The following SLC13A1 variants were observed in gnomAD, a reference collection of about 807,000 sequenced individuals.
The protein encoded by SLC13A1 is solute carrier family 13 member 1.
Under a neutral mutation model 70.0 loss-of-function variants are expected in SLC13A1, and 65 were observed. That is an observed-to-expected ratio of 0.93 (90% CI 0.76 to 1.14). The LOEUF (loss-of-function observed/expected upper bound fraction) is 1.14. Among genes scored for constraint, SLC13A1 ranks in the 50% most tolerant of loss-of-function variants. The probability of loss-of-function intolerance (pLI) is 0.00; values close to 1 mark genes in which losing one functional copy is unlikely to be tolerated. For synonymous variants in SLC13A1, 275 were observed against 250.5 expected (o/e 1.10, Z -0.92); for missense variants, 726 against 717.8 (o/e 1.01, Z -0.13).
intron 6 of SLC13A1, among the ~76,000 whole-genome samples, chr7:123,163,133 A>G (rs1161736611): frequency 6.6e-6 from 1 of 152,042 alleles, no homozygotes; most frequent in Non-Finnish European, 1.5e-5. Context: ...ATTTTCGGAT[A>G]CCTAGAACTC....
chr7:123,123,405 C>T (rs921841837), intron 11 of SLC13A1, among the ~76,000 whole-genome samples, 170 bp from the exon 12 acceptor site: 3 of 152,026 alleles, frequency 2.0e-5, no homozygotes, highest in Non-Finnish European at 4.4e-5. Flanking sequence ...CTAGGTGGAA[C>T]ATTCTACTAT....
intron 6 of SLC13A1, among the ~76,000 whole-genome samples, chr7:123,156,445 C>T (rs1228877110): frequency 1.3e-5 from 2 of 151,984 alleles, no homozygotes; most frequent in African/African-American, 2.4e-5. Context: ...TTGGTGCTTT[C>T]GTGGTCCATA....
At position 123,128,882 on chromosome 7, in the gene SLC13A1, G is replaced by C. The variant is rs200972745; in HGVS notation, c.1096C>G (p.Pro366Ala). The C allele has an allele frequency of 6.2e-7, 1 of 1,613,374 alleles. No individual in the cohort carries two copies. Among genetic ancestry groups the C allele is most frequent in the East Asian group, 2.2e-5 (1 of 44,790 alleles). Residue 366 changes from proline to alanine, a missense_variant, in exon 10 of 15, where the codon CCC becomes GCC. By Grantham distance (27) the Pro-to-Ala change is conservative. Coordinates refer to ENST00000194130, the MANE Select transcript of SLC13A1 (RefSeq NM_022444.4). ...IMALLWFSRDPGFVPGWSALF... is the reference protein window; with the variant it reads ...IMALLWFSRDAGFVPGWSALF... ...GCAGACCAACCAGGAACAAATCCGG[G>C]GTCTCGACTAAACCATAGCAGAGCC...
rs199650403 is a variant in SLC13A1, at chr7:123,181,068, C to T, written c.133G>A (p.Ala45Thr). ...AATGCTTCTGTGAGCCAAAATGTGG[C>T]GACCACAAAGAGTGTGTAGGCACAT... Reference protein sequence around the residue: ...AECAYTLFVVATFWLTEALPL... With the variant: ...AECAYTLFVVTTFWLTEALPL... The change falls in exon 2 of 15, where the codon GCC becomes ACC. Residue 45 changes from alanine (A) to threonine (T), a missense_variant. Ala to Thr is a moderately conservative substitution (Grantham distance 58). Coordinates refer to ENST00000194130, the MANE Select transcript of SLC13A1 (RefSeq NM_022444.4). The T allele has an allele frequency of 2.8e-4, 444 of 1,612,450 alleles. 1 individual carries two copies. The highest frequency in any genetic ancestry group is 2.7e-3 in the South Asian group (248 of 91,028).
chr7:123,191,220 C>G (rs1362066797), intron 1 of SLC13A1, among the ~76,000 whole-genome samples: 1 of 152,070 alleles, frequency 6.6e-6, no homozygotes, highest in African/African-American at 2.4e-5. Flanking sequence ...AGTCATCTAG[C>G]TGAGTTGGGT....
chr7:123,170,747 G>A (rs1410610365), intron 3 of SLC13A1, among the ~76,000 whole-genome samples: 1 of 151,956 alleles, frequency 6.6e-6, no homozygotes, highest in Non-Finnish European at 1.5e-5. Context: ...TCCTGCCTCA[G>A]CTTCCCGAGT....
At chr7:123,129,596 C>A in intron 8 of SLC13A1, 115 bp from the exon 9 acceptor site, 2 of 708,226 alleles carry the variant, frequency 2.8e-6, no homozygotes, top group Non-Finnish European at 5.0e-6. Context: ...TCCCTTCATG[C>A]AATATGAATC....
intron 2 of SLC13A1, among the ~76,000 whole-genome samples, chr7:123,175,127 C>T (rs191177177): frequency 6.6e-6 from 1 of 152,016 alleles, no homozygotes; most frequent in East Asian, 1.9e-4. Context: ...AACTGGCACT[C>T]AATGGATGTT....
intron 7 of SLC13A1, 41 bp downstream of exon 7, chr7:123,147,118 C>A (rs1416686898): frequency 6.3e-7 from 1 of 1,584,768 alleles, no homozygotes; most frequent in Non-Finnish European, 8.6e-7. Flanking sequence ...AATTTTTGTG[C>A]TGCCCTTATG....
At chr7:123,127,250 T>A (rs1793591497) in intron 10 of SLC13A1, among the ~76,000 whole-genome samples, 1 of 152,106 alleles carries the variant, frequency 6.6e-6, no homozygotes, top group Non-Finnish European at 1.5e-5. Context: ...CTCTCAGAAT[T>A]GTAGGTGGCA....
At chr7:123,162,814 C>T (rs1794958305) in intron 6 of SLC13A1, among the ~76,000 whole-genome samples, 1 of 151,932 alleles carries the variant, frequency 6.6e-6, no homozygotes, top group African/African-American at 2.4e-5. Flanking sequence ...TGGATTTCAA[C>T]CATAAGGATT....
At chr7:123,117,750 T>C in intron 13 of SLC13A1, 142 bp from the exon 14 acceptor site, 1 of 481,440 alleles carries the variant, frequency 2.1e-6, no homozygotes, top group South Asian at 5.4e-5. Context: ...ATTGCAGTTA[T>C]AACTTGAATA....
intron 8 of SLC13A1, among the ~76,000 whole-genome samples, chr7:123,133,316 C>A (rs1396670929): frequency 6.6e-6 from 1 of 151,882 alleles, no homozygotes; most frequent in African/African-American, 2.4e-5. Context: ...AAAGGGATGT[C>A]AATTTTGGTG....
At chr7:123,146,754 A>C (rs1794367091) in intron 7 of SLC13A1, among the ~76,000 whole-genome samples, 1 of 152,208 alleles carries the variant, frequency 6.6e-6, no homozygotes, top group African/African-American at 2.4e-5. Flanking sequence ...AAGCCTTCCA[A>C]AATTAATACC....
chr7:123,128,972 C>T lies in SLC13A1; in HGVS notation c.1032-26G>A, dbSNP rs28364205. ...CTGTGGAAAAATTCCAATGGCATCACTTCTTATTTTCTCAGTCGGGACATT... is the reference window on the plus strand; with the variant it reads ...CTGTGGAAAAATTCCAATGGCATCATTTCTTATTTTCTCAGTCGGGACATT... On this transcript the variant is annotated intron_variant, in intron 9 of 14. Coordinates refer to ENST00000194130, the MANE Select transcript of SLC13A1 (RefSeq NM_022444.4). 2.4e-3 allele frequency: 3,582 copies of T among 1,472,996 alleles called. 78 individuals carry two copies. The African/African-American group carries it at 0.041, about 17-fold the overall frequency. 91.2% of individuals were successfully genotyped at this position (1,472,996 alleles called of 1,614,324 possible).
intron 1 of SLC13A1, among the ~76,000 whole-genome samples, chr7:123,185,730 G>T (rs1169856907): frequency 6.6e-6 from 1 of 151,978 alleles, no homozygotes; most frequent in Non-Finnish European, 1.5e-5. Context: ...CCCCAGCTTT[G>T]TTCTTTTTGT....
chr7:123,170,583 C>T (rs1046235860), intron 3 of SLC13A1, among the ~76,000 whole-genome samples: 3 of 152,064 alleles, frequency 2.0e-5, no homozygotes, highest in Admixed American at 2.0e-4. Context: ...CATGGAGCCC[C>T]ACTTCATTTT....
At chr7:123,144,944 T>C (rs1794298639) in intron 7 of SLC13A1, among the ~76,000 whole-genome samples, 1 of 152,196 alleles carries the variant, frequency 6.6e-6, no homozygotes, top group Non-Finnish European at 1.5e-5. Context: ...CTACTATAGA[T>C]ACTATAATTG....
intron 6 of SLC13A1, among the ~76,000 whole-genome samples, chr7:123,150,168 A>C (rs1387964599): frequency 6.6e-6 from 1 of 152,160 alleles, no homozygotes; most frequent in Admixed American, 6.6e-5. Flanking sequence ...TCTTTCCACA[A>C]GGAAATATAA....
Sources: gnomAD v4.1 joint callset for allele counts (sites outside exome capture counted in the v4.1 genomes callset) on GRCh38, gnomAD v4.1.1 for gene constraint, MANE v1.5 for transcripts, NCBI Gene and HGNC (gene_info 2026-07-23, HGNC 2026-07-21) for gene names.